Variants in TJP1 observed in about 807,000 individuals in gnomAD.
TJP1 encodes the protein tight junction protein ZO-1.
In TJP1, 43 loss-of-function variants were observed where a neutral mutation model predicts 194.2. That is an observed-to-expected ratio of 0.22 (90% CI 0.17 to 0.29). The LOEUF (loss-of-function observed/expected upper bound fraction) is 0.29. Among genes scored for constraint, TJP1 ranks in the 10% least tolerant of loss-of-function variants. The pLI, the probability that TJP1 is intolerant of heterozygous loss-of-function variation, is 1.00. For synonymous variants in TJP1, 801 were observed against 779.0 expected (o/e 1.03, Z -0.47); for missense variants, 1,971 against 2,185.7 (o/e 0.90, Z 1.96).
At chr15:29,725,233 C>G (rs1245936929) in intron 18 of TJP1, among the ~76,000 whole-genome samples, 2 of 152,198 alleles carry the variant, frequency 1.3e-5, no homozygotes, top group African/African-American at 4.8e-5. Flanking sequence ...CTCTCGTATG[C>G]ATGGTCCATC....
At chr15:29,824,217 G>C (rs1262175974), upstream of TJP1, 1 of 149,758 alleles carries the variant, frequency 6.7e-6, no homozygotes, top group Non-Finnish European at 1.5e-5. Flanking sequence ...GCCAAGGCAG[G>C]CAGATCACTT....
intron 1 of TJP1, among the ~76,000 whole-genome samples, chr15:29,804,872 G>C (rs1595957587): frequency 6.6e-6 from 1 of 152,078 alleles, no homozygotes; most frequent in Admixed American, 6.6e-5. Context: ...GACAGATGCT[G>C]GTAAACAGGA....
At chr15:29,735,864 G>A (rs1338509943) in intron 11 of TJP1, among the ~76,000 whole-genome samples, 1 of 152,126 alleles carries the variant, frequency 6.6e-6, no homozygotes, top group African/African-American at 2.4e-5. Flanking sequence ...AAGGGAAAAG[G>A]AGGAGGATTC....
At chr15:29,772,223 T>C (rs1169909438) in intron 3 of TJP1, 57 bp from the exon 4 acceptor site, 20 of 1,083,136 alleles carry the variant, frequency 1.8e-5, no homozygotes, top group Non-Finnish European at 2.2e-5. Context: ...GGTAAGTTTA[T>C]GATGATATTT....
intron 1 of TJP1, among the ~76,000 whole-genome samples, chr15:29,956,666 G>C (rs1241532174): frequency 6.6e-6 from 1 of 152,098 alleles, no homozygotes; most frequent in Admixed American, 6.5e-5. Flanking sequence ...GATCACTTGA[G>C]CCCAGGGGTT....
intron 2 of TJP1, among the ~76,000 whole-genome samples, chr15:29,898,718 A>AT (rs1157919966): frequency 2.6e-5 from 4 of 152,204 alleles, no homozygotes; most frequent in Non-Finnish European, 4.4e-5. Context: ...TGGATTTCAG[A>AT]TTTTCAGATT....
intron 2 of TJP1, among the ~76,000 whole-genome samples, chr15:29,898,426 G>A (rs1274734413): frequency 1.3e-5 from 2 of 152,020 alleles, no homozygotes; most frequent in East Asian, 1.9e-4. Flanking sequence ...GAAAATGAAC[G>A]AATACAACAA....
chr15:29,743,427 G>A (rs1033499120), intron 8 of TJP1, among the ~76,000 whole-genome samples: 1 of 151,964 alleles, frequency 6.6e-6, no homozygotes, highest in African/African-American at 2.4e-5. Flanking sequence ...TAAGAATTTG[G>A]TACTTAAAAA....
At chr15:29,715,395 A>G (rs182091402) in intron 23 of TJP1, among the ~76,000 whole-genome samples, 3 of 152,332 alleles carry the variant, frequency 2.0e-5, no homozygotes, top group Admixed American at 6.5e-5. Context: ...CCTTAAATAT[A>G]GGACAGTGAA....
At chr15:29,897,490 C>G (rs2053512711) in intron 2 of TJP1, among the ~76,000 whole-genome samples, 1 of 152,216 alleles carries the variant, frequency 6.6e-6, no homozygotes, top group South Asian at 2.1e-4. Flanking sequence ...AGAGTCCCCA[C>G]ACAGATTCCC....
chr15:29,747,233 C>T (rs901956793), intron 8 of TJP1, among the ~76,000 whole-genome samples: 2 of 151,978 alleles, frequency 1.3e-5, no homozygotes, highest in Admixed American at 6.6e-5. Flanking sequence ...TGCAGTGAGC[C>T]GATATTGCGC....
intron 8 of TJP1, among the ~76,000 whole-genome samples, chr15:29,750,109 G>A (rs757004446): frequency 1.6e-4 from 25 of 151,928 alleles, no homozygotes; most frequent in East Asian, 1.9e-4. Context: ...CCGGGTTCAC[G>A]CCATTCTCCT....
intron 1 of TJP1, among the ~76,000 whole-genome samples, chr15:29,958,241 T>C (rs2056019120): frequency 6.6e-6 from 1 of 152,074 alleles, no homozygotes; most frequent in Non-Finnish European, 1.5e-5. Flanking sequence ...CATTTCCTGA[T>C]TTATCTTGTG....
intron 2 of TJP1, among the ~76,000 whole-genome samples, chr15:29,953,981 T>G (rs2055850942): frequency 6.6e-6 from 1 of 152,182 alleles, no homozygotes; most frequent in African/African-American, 2.4e-5. Context: ...GAACCTCAAC[T>G]TTTCCTCTCT....
intron 2 of TJP1, among the ~76,000 whole-genome samples, chr15:29,779,216 A>G (rs1417342926): frequency 2.6e-5 from 4 of 152,174 alleles, no homozygotes; most frequent in Admixed American, 2.0e-4. Flanking sequence ...ATGAATGCCC[A>G]AAGAGAGGTG....
chr15:29,826,799 C>T (rs2050691370), upstream of TJP1, among the ~76,000 whole-genome samples: 1 of 152,194 alleles, frequency 6.6e-6, no homozygotes, highest in South Asian at 2.1e-4. Flanking sequence ...GACCCTAGGG[C>T]AGAAGGGCTT....
At chr15:29,758,333 T>C (rs2045782399) in intron 8 of TJP1, among the ~76,000 whole-genome samples, 1 of 152,076 alleles carries the variant, frequency 6.6e-6, no homozygotes, top group Non-Finnish European at 1.5e-5. Flanking sequence ...GAAGTTTGTA[T>C]TTTTAAAAGC....
chr15:29,798,864 T>A (rs2048589312), intron 2 of TJP1, among the ~76,000 whole-genome samples: 1 of 152,100 alleles, frequency 6.6e-6, no homozygotes, highest in Non-Finnish European at 1.5e-5. Context: ...CATGGAGAAA[T>A]CCCAAATGCA....
rs1018013440 is a variant in TJP1, at chr15:29,720,366, A to C, written c.2755T>G (p.Ser919Ala). 6.3e-7 allele frequency: 1 copy of C among 1,581,480 alleles called. No homozygotes were observed. Among genetic ancestry groups the C allele is most frequent in the Non-Finnish European group, 8.6e-7 (1 of 1,164,114 alleles). The part of the protein sequence containing the change: ...RIDSPGFKPA[S>A]QQKAEASSPV... ...GAATGCTTGCTGCTTACCTGTTGAG[A>C]GGCTGGCTTAAATCCAGGGGAGTCT... is the stretch of plus-strand genomic sequence containing the variant. Residue 919 changes from serine (S) to alanine (A), a missense_variant, in exon 19 of 28, where the codon TCT becomes GCT. Coordinates refer to ENST00000614355, the MANE Select transcript of TJP1 (RefSeq NM_001330239.4).
Sources: gnomAD v4.1 joint callset for allele counts (sites outside exome capture counted in the v4.1 genomes callset) on GRCh38, gnomAD v4.1.1 for gene constraint, MANE v1.5 for transcripts, NCBI Gene and HGNC (gene_info 2026-07-23, HGNC 2026-07-21) for gene names.